The following ASB3 variants were observed in gnomAD, a reference collection of about 807,000 sequenced individuals.
The protein encoded by ASB3 is ankyrin repeat and SOCS box containing 3, also known as ankyrin repeat and SOCS box protein 3.
In ASB3, 41 loss-of-function variants were observed where a neutral mutation model predicts 54.5. The ratio of observed to expected loss-of-function variants is 0.75; its 90% CI spans 0.59 to 0.98. The LOEUF is 0.98. Among genes scored for constraint, ASB3 ranks in the 50% least tolerant of loss-of-function variants. The pLI is 0.00. For synonymous variants in ASB3, 266 were observed against 221.2 expected (o/e 1.20, Z -1.80); for missense variants, 733 against 620.0 (o/e 1.18, Z -1.94).
At chr2:53,748,508 T>C (rs1012208016) in intron 3 of ASB3, 1 of 152,216 alleles carries the variant, frequency 6.6e-6, no homozygotes, top group Non-Finnish European at 1.5e-5. Flanking sequence ...AAAATACTTT[T>C]CGCATATTCA....
intron 9 of ASB3, among the ~76,000 whole-genome samples, chr2:53,688,076 T>G (rs1443130294): frequency 6.6e-6 from 1 of 152,204 alleles, no homozygotes; most frequent in Non-Finnish European, 1.5e-5. Flanking sequence ...CACCTCGGCC[T>G]CTCAAAGTGG....
At chr2:53,719,273 G>C (rs1322305429) in intron 5 of ASB3, among the ~76,000 whole-genome samples, 1 of 152,142 alleles carries the variant, frequency 6.6e-6, no homozygotes, top group Non-Finnish European at 1.5e-5. Context: ...TCAGACAACA[G>C]AGCCAGGCAC....
chr2:53,738,555 A>C (rs1671767614), intron 3 of ASB3, among the ~76,000 whole-genome samples: 1 of 152,188 alleles, frequency 6.6e-6, no homozygotes, highest in Non-Finnish European at 1.5e-5. Flanking sequence ...TAGATATAGG[A>C]CAATTCCAAG....
At chr2:53,783,923 C>T (rs1363033531) in intron 1 of ASB3, among the ~76,000 whole-genome samples, 1 of 152,282 alleles carries the variant, frequency 6.6e-6, no homozygotes, top group South Asian at 2.1e-4. Flanking sequence ...GTAGACCTAA[C>T]CCAGGCATGA....
Position 53,711,355 on chromosome 2 carries a change from T to C in ASB3, c.980+3029A>G, listed in dbSNP as rs142951205. Among the ~76,000 whole-genome samples the C allele has an allele frequency of 6.8e-3, 1,030 of 152,282 alleles. 9 individuals are homozygous for C. The highest frequency in any genetic ancestry group is 0.02 in the South Asian group (96 of 4,822). ...TGTGTCTATGTTTCAGCTTCCTCAG[T>C]AAGTTTAACAGGATCTATTTAGTGC... On this transcript the variant is annotated intron_variant, in intron 7 of 9. Coordinates refer to ENST00000263634, the MANE Select transcript of ASB3 (RefSeq NM_016115.5).
chr2:53,723,388 A>G (rs1670817339), intron 5 of ASB3, among the ~76,000 whole-genome samples: 1 of 151,946 alleles, frequency 6.6e-6, no homozygotes, highest in Non-Finnish European at 1.5e-5. Flanking sequence ...GTTACATGAG[A>G]AAGTTCTTTA....
chr2:53,730,313 G>A (rs993262578), intron 3 of ASB3, among the ~76,000 whole-genome samples: 5 of 152,146 alleles, frequency 3.3e-5, no homozygotes, highest in Non-Finnish European at 7.4e-5. Flanking sequence ...TACTGTGAAT[G>A]TTGTTAGGTG....
intron 7 of ASB3, among the ~76,000 whole-genome samples, chr2:53,706,445 T>C (rs1669774452): frequency 6.6e-6 from 1 of 152,024 alleles, no homozygotes; most frequent in African/African-American, 2.4e-5. Context: ...AAAAGGCAGC[T>C]TCTTTTTTTT....
At chr2:53,743,999 C>T (rs1672081302) in intron 3 of ASB3, among the ~76,000 whole-genome samples, 1 of 150,286 alleles carries the variant, frequency 6.7e-6, no homozygotes. Context: ...GCAGAGATCG[C>T]ACCACTGCAC....
chr2:53,737,724 GAA>G (rs543660229), intron 3 of ASB3, among the ~76,000 whole-genome samples: 45 of 63,876 alleles, frequency 7.0e-4, no homozygotes, highest in Non-Finnish European at 8.9e-4. Flanking sequence ...TTTAAAAAAG[GAA>G]AAAAAAAAAA....
Position 53,762,780 on chromosome 2 carries a change from T to G in ASB3, c.196+2597A>C, listed in dbSNP as rs367923415. ...AAATTTGTTATCTGTGCTAATATGT[T>G]AAACAGAAAACTAAAATGAGATACA... On this transcript the variant is annotated intron_variant, in intron 2 of 9. Coordinates refer to ENST00000263634, the MANE Select transcript of ASB3 (RefSeq NM_016115.5). Among the ~76,000 whole-genome samples, 20 of 152,288 alleles carry G rather than the reference T, an allele frequency of 1.3e-4. No homozygotes were observed. In the East Asian group the frequency reaches 3.9e-3, roughly 29 times the overall value.
At chr2:53,683,954 T>C (rs1668508229) in intron 9 of ASB3, among the ~76,000 whole-genome samples, 1 of 152,230 alleles carries the variant, frequency 6.6e-6, no homozygotes, top group African/African-American at 2.4e-5. Flanking sequence ...TTTCATTTAT[T>C]TCTGCTCTGA....
chr2:53,673,098 G>C (rs1309066894), intron 9 of ASB3, among the ~76,000 whole-genome samples: 1 of 149,190 alleles, frequency 6.7e-6, no homozygotes, highest in Non-Finnish European at 1.5e-5. Flanking sequence ...TGCAAACACA[G>C]AGCATGCCAA....
chr2:53,764,419 A>T (rs1673321292), intron 2 of ASB3, among the ~76,000 whole-genome samples: 3 of 152,204 alleles, frequency 2.0e-5, no homozygotes, highest in Non-Finnish European at 4.4e-5. Flanking sequence ...AACTTCTCTG[A>T]GCCTTGGTCT....
At chr2:53,712,178 T>C (rs1342419981) in intron 7 of ASB3, among the ~76,000 whole-genome samples, 4 of 145,834 alleles carry the variant, frequency 2.7e-5, no homozygotes, top group Admixed American at 2.0e-4. Context: ...CAGAAAAAAA[T>C]AGGAACCTTC....
intron 7 of ASB3, among the ~76,000 whole-genome samples, chr2:53,709,906 G>A (rs1205068314): frequency 6.6e-6 from 1 of 152,102 alleles, no homozygotes; most frequent in Non-Finnish European, 1.5e-5. Context: ...TTCCTCTGAG[G>A]GAATCAGCTA....
At chr2:53,734,472 C>CTCAT (rs995701048) in intron 3 of ASB3, among the ~76,000 whole-genome samples, 49 of 152,310 alleles carry the variant, frequency 3.2e-4, no homozygotes, top group African/African-American at 1.1e-3. Context: ...CCACAAATCA[C>CTCAT]TCATTCATTC....
rs201677821 is a variant in ASB3 at position 53,753,044 on chromosome 2, T to TA, written c.197-2104_197-2103insT. Among the ~76,000 whole-genome samples the TA allele has an allele frequency of 8.9e-3, 1,338 of 150,826 alleles. 16 individuals are homozygous for TA. Among genetic ancestry groups the TA allele is most frequent in the African/African-American group, 0.031 (1,274 of 41,316 alleles). ...AAGAGTGAACCTTAATGTACGCAATTTAAAAAAAAAAAATCAACCAGGAGG... is the reference window on the plus strand; with the variant it reads ...AAGAGTGAACCTTAATGTACGCAATTATAAAAAAAAAAAATCAACCAGGAGG... On this transcript the variant is annotated intron_variant, in intron 2 of 9. Coordinates refer to ENST00000263634, the MANE Select transcript of ASB3 (RefSeq NM_016115.5).
At chr2:53,763,603 A>T (rs919906257) in intron 2 of ASB3, 1 of 169,292 alleles carries the variant, frequency 5.9e-6, no homozygotes, top group East Asian at 1.9e-4. Context: ...ATATGGCAGG[A>T]CAACTGTAGA....
Sources: gnomAD v4.1 joint callset for allele counts (sites outside exome capture counted in the v4.1 genomes callset) on GRCh38, gnomAD v4.1.1 for gene constraint, MANE v1.5 for transcripts, NCBI Gene and HGNC (gene_info 2026-07-23, HGNC 2026-07-21) for gene names.